The following NF1 variants were observed in gnomAD, a reference collection of about 807,000 sequenced individuals.
NF1 encodes neurofibromin.
NF1 carries 122 observed loss-of-function variants against 325.7 expected under a neutral mutation model. The ratio of observed to expected loss-of-function variants is 0.37; its 90% CI spans 0.32 to 0.44. NF1 has a LOEUF of 0.44. NF1 is among the 20% of genes least tolerant of loss of function. The pLI is 1.00. For missense variants in NF1, 2,140 were observed against 3,415.4 expected, an observed-to-expected ratio of 0.63 and a Z score of 9.31; for synonymous variants, 1,091 against 1,186.0, an observed-to-expected ratio of 0.92 and a Z score of 1.65.
At chr17:31,319,174 T>A in intron 36 of NF1, 1 of 813,296 alleles carries the variant, frequency 1.2e-6, no homozygotes, top group Non-Finnish European at 1.9e-6. Flanking sequence ...CTCAACTAAA[T>A]TTCTTTTCTA....
At chr17:31,318,008 TTTAA>T (rs1343412298) in intron 36 of NF1, 4 of 314,684 alleles carry the variant, frequency 1.3e-5, no homozygotes, top group Non-Finnish European at 2.3e-5. Flanking sequence ...GGAATATTTA[TTTAA>T]TTATCCCTTG....
At chr17:31,368,595 G>C (rs2151596186) in intron 57 of NF1, among the ~76,000 whole-genome samples, 1 of 152,202 alleles carries the variant, frequency 6.6e-6, no homozygotes, top group East Asian at 1.9e-4. Flanking sequence ...ATTTATATTA[G>C]CTTCACTCAT....
chr17:31,158,697 C>T (rs573690924), intron 2 of NF1, among the ~76,000 whole-genome samples: 1 of 152,102 alleles, frequency 6.6e-6, no homozygotes, highest in South Asian at 2.1e-4. Flanking sequence ...GTTAAATCCC[C>T]AATTCAAGAT....
rs373328072 is a variant in NF1, at chr17:31,281,493, A to G, written c.4835+16154A>G. Reference sequence around the variant, plus strand: ...CTGGTTAATCATCTTAAATCATCATAGTGTTGGGTAATGTCTGTAGAAGGA... The same window carrying G: ...CTGGTTAATCATCTTAAATCATCATGGTGTTGGGTAATGTCTGTAGAAGGA... On this transcript the variant is annotated intron_variant, in intron 36 of 57. Transcript: ENST00000358273. Among the ~76,000 whole-genome samples the G allele has an allele frequency of 1.5e-4, 23 of 152,334 alleles. 1 individual carries two copies. The highest frequency in any genetic ancestry group is 5.1e-4 in the African/African-American group (21 of 41,574).
At chr17:31,163,497 C>A in intron 4 of NF1, 121 bp downstream of exon 4, 1 of 1,065,326 alleles carries the variant, frequency 9.4e-7, no homozygotes, top group Non-Finnish European at 1.4e-6. Context: ...GAGACAAGTT[C>A]TTTTGCCCCT....
At chr17:31,304,244 A>G in intron 36 of NF1, 1 of 1,558,552 alleles carries the variant, frequency 6.4e-7, no homozygotes, top group Non-Finnish European at 8.7e-7. Context: ...AAGATCAGCT[A>G]AAAAGCAAGT....
At chr17:31,158,629 A>G (rs2065709346) in intron 2 of NF1, among the ~76,000 whole-genome samples, 1 of 152,184 alleles carries the variant, frequency 6.6e-6, no homozygotes, top group African/African-American at 2.4e-5. Context: ...CTGTGGTGCT[A>G]TAGCATGTTT....
At chr17:31,171,371 C>A (rs1263635478) in intron 5 of NF1, among the ~76,000 whole-genome samples, 2 of 152,094 alleles carry the variant, frequency 1.3e-5, no homozygotes, top group Admixed American at 1.3e-4. Flanking sequence ...AGTTGAGAAA[C>A]TGAATGGTAA....
intron 36 of NF1, chr17:31,296,385 A>C: frequency 2.5e-6 from 4 of 1,604,826 alleles, no homozygotes; most frequent in Middle Eastern, 1.7e-4. Context: ...AATACAGTTT[A>C]GGCATCTGCA....
chr17:31,221,197 G>C (rs1313098249), intron 14 of NF1, among the ~76,000 whole-genome samples: 1 of 151,824 alleles, frequency 6.6e-6, no homozygotes, highest in Non-Finnish European at 1.5e-5. Context: ...ATCTTTGATG[G>C]TTTTAATTTA....
chr17:31,216,671 C>T (rs1032497985), intron 13 of NF1, among the ~76,000 whole-genome samples: 1 of 152,050 alleles, frequency 6.6e-6, no homozygotes, highest in Non-Finnish European at 1.5e-5. Flanking sequence ...AGCTTGAACC[C>T]TTTTAGTTGA....
intron 5 of NF1, among the ~76,000 whole-genome samples, chr17:31,175,688 C>G (rs2066010084): frequency 6.6e-6 from 1 of 152,050 alleles, no homozygotes; most frequent in Non-Finnish European, 1.5e-5. Context: ...GCCCCCACCC[C>G]CCGACAGGCA....
intron 34 of NF1, among the ~76,000 whole-genome samples, chr17:31,261,297 A>G (rs1405563359): frequency 1.3e-5 from 2 of 152,014 alleles, no homozygotes; most frequent in Non-Finnish European, 2.9e-5. Context: ...TAATTTGGGC[A>G]TTGTTTCATT....
chr17:31,115,483 GA>G (rs1448466258), intron 1 of NF1, among the ~76,000 whole-genome samples: 7 of 152,200 alleles, frequency 4.6e-5, no homozygotes, highest in Admixed American at 4.6e-4. Flanking sequence ...GAATTTTTAG[GA>G]ATAATAGAGG....
intron 42 of NF1, among the ~76,000 whole-genome samples, chr17:31,337,145 G>A (rs1473848100): frequency 2.0e-5 from 3 of 152,076 alleles, no homozygotes; most frequent in Admixed American, 2.0e-4. Flanking sequence ...TCCCATAAGC[G>A]GAATACTCAG....
chr17:31,221,897 T>C lies in NF1; in HGVS notation c.1689T>C (p.Pro563=), dbSNP rs1445925500. 2 of 1,606,918 alleles carry C rather than the reference T, an allele frequency of 1.2e-6. No homozygotes were observed. The highest frequency in any genetic ancestry group is 1.7e-6 in the Non-Finnish European group (2 of 1,179,046). ...TAGATAGCATTGATTTGTGGAATCC[T>C]GATGCTCCTGTAGAAACATTTTGGG... is the stretch of plus-strand genomic sequence containing the variant. ...HQLDSIDLWN[P]DAPVETFWEI... is the part of the protein sequence containing the mutation. The change falls in exon 15 of 58, where the codon CCT becomes CCC. Residue 563 remains proline, a synonymous_variant. Transcript: ENST00000358273.
intron 29 of NF1, among the ~76,000 whole-genome samples, chr17:31,242,782 T>C (rs1338568683): frequency 6.6e-6 from 1 of 152,230 alleles, no homozygotes; most frequent in African/African-American, 2.4e-5. Flanking sequence ...CTCTCCAGGA[T>C]TGATCACTGG....
intron 1 of NF1, among the ~76,000 whole-genome samples, chr17:31,122,954 T>C (rs917559214): frequency 6.6e-6 from 1 of 152,156 alleles, no homozygotes; most frequent in Non-Finnish European, 1.5e-5. Flanking sequence ...AAATTCTCCT[T>C]CATTCAGCCT....
At chr17:31,242,923 CA>C (rs2067325267) in intron 29 of NF1, among the ~76,000 whole-genome samples, 1 of 152,164 alleles carries the variant, frequency 6.6e-6, no homozygotes, top group African/African-American at 2.4e-5. Context: ...TGTTTGTACC[CA>C]CCCTTCTGGG....
Sources: gnomAD v4.1 joint callset for allele counts (sites outside exome capture counted in the v4.1 genomes callset) on GRCh38, gnomAD v4.1.1 for gene constraint, MANE v1.5 for transcripts, NCBI Gene and HGNC (gene_info 2026-07-23, HGNC 2026-07-21) for gene names.